Variants in TANC2 observed in about 807,000 individuals in gnomAD.
TANC2 encodes tetratricopeptide repeat, ankyrin repeat and coiled-coil containing 2.
TANC2 carries 26 observed loss-of-function variants against 210.5 expected under a neutral mutation model. The observed-to-expected ratio is 0.12, with a 90% CI of 0.09 to 0.17. The LOEUF is 0.17. Among genes scored for constraint, TANC2 ranks in the 10% least tolerant of loss-of-function variants. The pLI, the probability that TANC2 is intolerant of heterozygous loss-of-function variation, is 1.00. For missense variants in TANC2, 2,129 were observed against 2,608.9 expected, an observed-to-expected ratio of 0.82 and a Z score of 4.01; for synonymous variants, 931 against 967.1, an observed-to-expected ratio of 0.96 and a Z score of 0.69.
intron 7 of TANC2, among the ~76,000 whole-genome samples, chr17:63,211,416 AT>A (rs1189817411): frequency 2.0e-5 from 3 of 149,340 alleles, no homozygotes; most frequent in Non-Finnish European, 4.5e-5. Context: ...TTTTTTTTTC[AT>A]TTCTGTGATT....
chr17:63,315,860 A>G (rs2045297987), intron 10 of TANC2, among the ~76,000 whole-genome samples: 1 of 152,192 alleles, frequency 6.6e-6, no homozygotes, highest in Non-Finnish European at 1.5e-5. Context: ...CTTGGAAGAA[A>G]ACTGAATCAA....
At chr17:63,002,410 A>T (rs538266620) in intron 1 of TANC2, among the ~76,000 whole-genome samples, 2 of 152,222 alleles carry the variant, frequency 1.3e-5, no homozygotes, top group Admixed American at 6.5e-5. Flanking sequence ...TTATTTTGTT[A>T]TAATTCATCA....
At chr17:63,422,112 G>A (rs1422812678) in exon 28 of TANC2, 18 of 973,360 alleles carry the variant, frequency 1.8e-5, no homozygotes, top group Admixed American at 9.5e-5. Flanking sequence ...GCATGCAGCC[G>A]ACTGGGAAGC....
intron 2 of TANC2, among the ~76,000 whole-genome samples, chr17:63,035,632 A>G (rs950514818): frequency 2.0e-5 from 3 of 152,198 alleles, no homozygotes; most frequent in African/African-American, 4.8e-5. Flanking sequence ...ATTATTTCCA[A>G]TTTTAGGTGA....
chr17:63,274,202 G>T (rs1598750933), intron 9 of TANC2, among the ~76,000 whole-genome samples: 1 of 145,094 alleles, frequency 6.9e-6, no homozygotes, highest in Non-Finnish European at 1.5e-5. Context: ...TGCTTCATTA[G>T]TTAAAAAGTC....
intron 2 of TANC2, among the ~76,000 whole-genome samples, chr17:63,015,572 G>T (rs1182302122): frequency 6.6e-6 from 1 of 151,700 alleles, no homozygotes; most frequent in Admixed American, 6.6e-5. Context: ...GTGGTGTTTG[G>T]TTTTTTTGTC....
intron 4 of TANC2, among the ~76,000 whole-genome samples, chr17:63,122,237 AT>A (rs1277630330): frequency 6.6e-6 from 1 of 152,202 alleles, no homozygotes; most frequent in African/African-American, 2.4e-5. Flanking sequence ...GAACTTTTTA[AT>A]TGTTTAATCT....
chr17:63,156,271 G>T (rs80202632), intron 5 of TANC2, among the ~76,000 whole-genome samples: 4,352 of 152,086 alleles, frequency 0.029, 215 homozygotes, highest in African/African-American at 0.098. Context: ...GATGAGCTTT[G>T]GGGGGAGTCT....
At chr17:63,186,210 T>C (rs569686560) in intron 5 of TANC2, among the ~76,000 whole-genome samples, 3 of 152,196 alleles carry the variant, frequency 2.0e-5, no homozygotes, top group African/African-American at 7.2e-5. Context: ...GGTGATTATA[T>C]ATAGAGAGAG....
At chr17:62,979,492 A>G (rs1041737179) in intron 1 of TANC2, among the ~76,000 whole-genome samples, 6 of 152,258 alleles carry the variant, frequency 3.9e-5, no homozygotes, top group South Asian at 2.1e-4. Context: ...TAACCTTGAT[A>G]CTTTTCTGGG....
chr17:63,168,035 T>A (rs1481763532), intron 5 of TANC2, among the ~76,000 whole-genome samples: 4 of 152,066 alleles, frequency 2.6e-5, no homozygotes, highest in Admixed American at 2.6e-4. Context: ...CCCTAAAAAT[T>A]GATTCTTTAA....
chr17:63,413,600 G>A (rs766295871), exon 25 of TANC2: 7 of 1,601,880 alleles, frequency 4.4e-6, no homozygotes, highest in Non-Finnish European at 3.4e-6. Flanking sequence ...ATCCTGTTGA[G>A]CAAGCTGATG....
At chr17:63,046,631 C>G (rs994160192) in intron 2 of TANC2, among the ~76,000 whole-genome samples, 1 of 151,834 alleles carries the variant, frequency 6.6e-6, no homozygotes, top group Non-Finnish European at 1.5e-5. Flanking sequence ...TTAATAAATT[C>G]TTTAACATAT....
chr17:63,363,967 GATGTC>G (rs879432952), intron 14 of TANC2, among the ~76,000 whole-genome samples: 3 of 152,146 alleles, frequency 2.0e-5, no homozygotes, highest in Non-Finnish European at 4.4e-5. Flanking sequence ...TCAGTCTTCT[GATGTC>G]ATAGTTTAGT....
rs538208716 is a variant in TANC2, at chr17:63,033,725, A to G, written c.67+24099A>G. On this transcript the variant is annotated intron_variant, in intron 2 of 27. Coordinates refer to ENST00000689528, the Ensembl canonical transcript of TANC2. Reference sequence around the variant, plus strand: ...TCATTTGAGGTTTGGGAGGAAATGTAATGAATTCATTTTATGAAATGTGAA... The same window carrying G: ...TCATTTGAGGTTTGGGAGGAAATGTGATGAATTCATTTTATGAAATGTGAA... Among the ~76,000 whole-genome samples the G allele has an allele frequency of 5.9e-5, 9 of 152,216 alleles. No individual in the cohort carries two copies. In the East Asian group the frequency reaches 9.7e-4, roughly 16 times the overall value.
intron 2 of TANC2, among the ~76,000 whole-genome samples, chr17:63,024,012 A>G (rs2034453427): frequency 6.6e-6 from 1 of 151,974 alleles, no homozygotes; most frequent in South Asian, 2.1e-4. Context: ...TGTTGTTTTA[A>G]TATTAGGGTT....
chr17:63,417,337 A>G (rs1039086500), intron 26 of TANC2, among the ~76,000 whole-genome samples: 1 of 152,150 alleles, frequency 6.6e-6, no homozygotes, highest in Non-Finnish European at 1.5e-5. Context: ...TGGCTTTGAC[A>G]CTAAAAGAAG....
intron 4 of TANC2, among the ~76,000 whole-genome samples, chr17:63,122,090 A>T (rs1598430218): frequency 6.6e-6 from 1 of 152,346 alleles, no homozygotes; most frequent in South Asian, 2.1e-4. Context: ...TACTCAGTTC[A>T]AAAAAGTGAA....
At chr17:62,993,805 T>C (rs553081879) in intron 1 of TANC2, among the ~76,000 whole-genome samples, 1 of 152,262 alleles carries the variant, frequency 6.6e-6, no homozygotes, top group East Asian at 1.9e-4. Context: ...AGCATGTGCC[T>C]GTAGTCCCAG....
Sources: allele counts gnomAD v4.1 joint callset (sites outside exome capture counted in the v4.1 genomes callset), GRCh38; gene constraint gnomAD v4.1.1; transcripts MANE v1.5; gene names NCBI Gene and HGNC (gene_info 2026-07-23, HGNC 2026-07-21).